The following ZNF738 variants were observed in gnomAD, a reference collection of about 807,000 sequenced individuals.
ZNF738 encodes the protein zinc finger protein 738, also known as protein ZNF738.
Under a neutral mutation model 9.2 loss-of-function variants are expected in ZNF738, and 10 were observed. The ratio of observed to expected loss-of-function variants is 1.09; its 90% CI spans 0.67 to 1.85. The LOEUF is 1.85. Ranked by LOEUF, ZNF738 falls within the 40% of genes most tolerant of loss-of-function variation. The probability of loss-of-function intolerance (pLI) is 0.00; values close to 1 mark genes in which losing one functional copy is unlikely to be tolerated. For synonymous variants in ZNF738, 113 were observed against 94.5 expected, an observed-to-expected ratio of 1.20 and a Z score of -1.14; for missense variants, 346 against 283.6, an observed-to-expected ratio of 1.22 and a Z score of -1.58.
rs1974035188 is a variant in ZNF738, at chr19:21,383,793, C to A, written c.*119C>A. On this transcript the variant is annotated 3_prime_UTR_variant, in exon 5 of 5. Transcript: ENST00000683779. ...GCTTTTAAACAGTCCTCAAACCTTA[C>A]TACTCATGAAAATTCATTCTGGAGA... is the stretch of plus-strand genomic sequence containing the variant. The A allele has an allele frequency of 3.3e-6, 4 of 1,202,950 alleles. No individual in the cohort carries two copies. The Admixed American group carries it at 5.2e-5, about 16-fold the overall frequency. 74.5% of individuals were successfully genotyped at this position (1,202,950 alleles called of 1,614,324 possible).
chr19:21,379,677 C>A (rs1973982010), intron 4 of ZNF738, among the ~76,000 whole-genome samples: 1 of 152,088 alleles, frequency 6.6e-6, no homozygotes, highest in African/African-American at 2.4e-5. Context: ...ATACATGAGC[C>A]AGTATTTTAC....
Position 21,384,762 on chromosome 19 carries a change from G to T in ZNF738, c.*1088G>T, listed in dbSNP as rs1974047289. Among the ~76,000 whole-genome samples the T allele has an allele frequency of 6.6e-6, 1 of 152,146 alleles. No homozygotes were observed. The highest frequency in any genetic ancestry group is 2.4e-5 in the African/African-American group (1 of 41,434). Reference sequence around the variant, plus strand: ...TGGAGAGAAACCCTACAAATGTGAAGAATGTGGCAAAGCTTATAACTGGTC... The same window carrying T: ...TGGAGAGAAACCCTACAAATGTGAATAATGTGGCAAAGCTTATAACTGGTC... On this transcript the variant is annotated 3_prime_UTR_variant, in exon 5 of 5. Coordinates refer to ENST00000683779, the MANE Select transcript of ZNF738 (RefSeq NM_001355237.2).
chr19:21,380,667 T>C (rs1229931950), intron 4 of ZNF738, among the ~76,000 whole-genome samples: 2 of 152,208 alleles, frequency 1.3e-5, no homozygotes, highest in African/African-American at 4.8e-5. Flanking sequence ...TAATCTGTAC[T>C]ATAGTTGAAG....
rs1255374095 is a variant in ZNF738 at position 21,384,090 on chromosome 19, G to A, written c.*416G>A. The A allele has an allele frequency of 1.9e-6, 3 of 1,557,742 alleles. No homozygotes were observed. In the East Asian group the frequency reaches 6.8e-5, roughly 35 times the overall value. ...TGGAGAGAAACCCTACAAATGTGAAGAATGTGGCAAAGCTTTCTACCGATT... is the reference window on the plus strand; with the variant it reads ...TGGAGAGAAACCCTACAAATGTGAAAAATGTGGCAAAGCTTTCTACCGATT... On this transcript the variant is annotated 3_prime_UTR_variant, in exon 5 of 5. Coordinates refer to ENST00000683779, the MANE Select transcript of ZNF738 (RefSeq NM_001355237.2).
intron 4 of ZNF738, among the ~76,000 whole-genome samples, chr19:21,382,141 C>T (rs1440848065): frequency 1.5e-5 from 2 of 134,868 alleles, no homozygotes; most frequent in Non-Finnish European, 3.0e-5. Context: ...TTTTGACTCA[C>T]TGCTACCTCT....
Position 21,375,938 on chromosome 19 carries a change from G to GACAC in ZNF738, c.295_298dup (p.Ser100ThrfsTer42), listed in dbSNP as rs763323236. 3 of 789,584 alleles carry GACAC rather than the reference G, an allele frequency of 3.8e-6. No homozygotes were observed. Among genetic ancestry groups the GACAC allele is most frequent in the Admixed American group, 3.5e-5 (2 of 57,906 alleles). The allele number at this position is 789,584 out of a possible 1,614,324, so 48.9% of individuals were successfully genotyped here. ...GGAAAAGATCCCTGGAATATGAAGA[G>GACAC]ACACAGTATGGTAGCCACACCCCCA... On this transcript the variant is annotated frameshift_variant, in exon 4 of 5. Coordinates refer to ENST00000683779, the MANE Select transcript of ZNF738 (RefSeq NM_001355237.2). LOFTEE classifies it low-confidence loss of function (END_TRUNC).
rs975421901 is a variant in ZNF738, at chr19:21,381,380, ACTT to A, written c.320-1481_320-1479del. 1.6e-5 allele frequency: 24 copies of A among 1,517,066 alleles called. No individual in the cohort carries two copies. The African/African-American group carries it at 2.6e-4, about 16-fold the overall frequency. The allele number at this position is 1,517,066 out of a possible 1,614,324, so 94.0% of individuals were successfully genotyped here. ...GAATACTCTGACTCCATCTTGAATA[ACTT>A]CTTCATCAGAATCTCCTTTTGTCTT... On this transcript the variant is annotated intron_variant, in intron 4 of 4. Transcript: ENST00000683779.
chr19:21,369,879 T>G (rs1973835106), intron 2 of ZNF738, among the ~76,000 whole-genome samples: 1 of 151,914 alleles, frequency 6.6e-6, no homozygotes, highest in Non-Finnish European at 1.5e-5. Flanking sequence ...TATGGCATGA[T>G]CTCAGCTTAC....
At position 21,383,225 on chromosome 19, in the gene ZNF738, A is replaced by G; in HGVS notation, c.679A>G (p.Ile227Val). 1 of 1,595,186 alleles carries G rather than the reference A, an allele frequency of 6.3e-7. No individual in the cohort carries two copies. The highest frequency in any genetic ancestry group is 2.2e-5 in the East Asian group (1 of 44,522). The change falls in exon 5 of 5, where the codon ATT (isoleucine) becomes GTT (valine). Residue 227 changes from isoleucine to valine, a missense_variant. Physicochemically the swap from Ile to Val is conservative, Grantham distance 29. Transcript: ENST00000683779. The stretch of plus-strand genomic sequence containing the variant: ...CCTAGGTCAACATAAAATAATTCAT[A>G]TTAGAGAGAATTCTTACCAATGTGA... Reference protein sequence around the residue: ...LHLGQHKIIHIRENSYQCEEC... With the variant: ...LHLGQHKIIHVRENSYQCEEC...
intron 4 of ZNF738, among the ~76,000 whole-genome samples, chr19:21,380,787 CA>C (rs1973993409): frequency 6.6e-6 from 1 of 152,070 alleles, no homozygotes; most frequent in Non-Finnish European, 1.5e-5. Flanking sequence ...GAAAACAATG[CA>C]CCACCATGTT....
At chr19:21,381,976 G>A in intron 4 of ZNF738, 1 of 204,510 alleles carries the variant, frequency 4.9e-6, no homozygotes, top group Non-Finnish European at 1.1e-5. Flanking sequence ...GCCTCAGCCT[G>A]TCTCCATGGA....
Position 21,383,723 on chromosome 19 carries a change from A to G in ZNF738, c.*49A>G. ...CGCAACCCTTACTAGACATAAGATA[A>G]TTCATACTGAAGAGAAACCCTACAA... On this transcript the variant is annotated 3_prime_UTR_variant, in exon 5 of 5. Coordinates refer to ENST00000683779, the MANE Select transcript of ZNF738 (RefSeq NM_001355237.2). 9.4e-7 allele frequency: 1 copy of G among 1,061,708 alleles called. No individual in the cohort carries two copies. The highest frequency in any genetic ancestry group is 1.2e-5 in the South Asian group (1 of 80,374). 65.8% of individuals were successfully genotyped at this position (1,061,708 alleles called of 1,614,324 possible).
chr19:21,362,471 A>G (rs994465041), intron 2 of ZNF738, among the ~76,000 whole-genome samples: 2 of 152,210 alleles, frequency 1.3e-5, no homozygotes, highest in Non-Finnish European at 2.9e-5. Context: ...TCTTGAGCAC[A>G]TAAGTGAGCA....
intron 3 of ZNF738, 27 bp downstream of exon 3, chr19:21,375,391 C>T: frequency 1.5e-6 from 1 of 688,378 alleles, no homozygotes; most frequent in Non-Finnish European, 2.6e-6. Context: ...TACACAATTC[C>T]TTATATACAC....
chr19:21,383,029 T>C lies in ZNF738; in HGVS notation c.483T>C (p.Tyr161=). 2.4e-6 allele frequency: 2 copies of C among 835,722 alleles called. No individual in the cohort carries two copies. Among genetic ancestry groups the C allele is most frequent in the South Asian group, 1.4e-5 (1 of 73,744 alleles). The allele number at this position is 835,722 out of a possible 1,614,324, so 51.8% of individuals were successfully genotyped here. Residue 161 remains tyrosine, a synonymous_variant, in exon 5 of 5, where the codon TAT becomes TAC. Coordinates refer to ENST00000683779, the MANE Select transcript of ZNF738 (RefSeq NM_001355237.2). ...AGTGTAATGTGCAAAAAGAAGGTTATAATGAACTAAAAGAGTATTTGACAA... is the reference window on the plus strand; with the variant it reads ...AGTGTAATGTGCAAAAAGAAGGTTACAATGAACTAAAAGAGTATTTGACAA... ...VNECNVQKEG[Y]NELKEYLTTT...
In ZNF738 at chr19:21,386,236, A is replaced by G. The variant is rs904764984; in HGVS notation, c.*2562A>G. ...CCCTCAACTTTCTGCACATAAGATA[A>G]TTTATACTGTGGAGAAGCCTTACAA... On this transcript the variant is annotated 3_prime_UTR_variant, in exon 5 of 5. Coordinates refer to ENST00000683779, the MANE Select transcript of ZNF738 (RefSeq NM_001355237.2). The G allele has an allele frequency of 5.5e-5, 16 of 292,014 alleles. No individual in the cohort carries two copies. Among genetic ancestry groups the G allele is most frequent in the African/African-American group, 3.6e-4 (16 of 45,070 alleles). The allele number at this position is 292,014 out of a possible 1,614,324, so 18.1% of individuals were successfully genotyped here.
At chr19:21,378,063 A>G (rs1303696910) in intron 4 of ZNF738, 2 of 397,178 alleles carry the variant, frequency 5.0e-6, no homozygotes, top group African/African-American at 4.1e-5. Context: ...TAAGAGATAC[A>G]ATGTATTTCA....
rs1471422008 is a variant in ZNF738, at chr19:21,360,411, T to C, written c.3+1268T>C. 2.6e-5 allele frequency: 4 copies of C among 152,302 alleles called. No homozygotes were observed. In the East Asian group the frequency reaches 7.7e-4, roughly 29 times the overall value. 9.4% of individuals were successfully genotyped at this position (152,302 alleles called of 1,614,324 possible). ...CTTCTGGGGTTCCCAAATGCCAGCT[T>C]TTCCTCCCTAATTCACATTATCACG... On this transcript the variant is annotated intron_variant, in intron 1 of 4. Transcript: ENST00000683779.
chr19:21,365,196 A>C (rs911759577), intron 2 of ZNF738, among the ~76,000 whole-genome samples: 1 of 152,150 alleles, frequency 6.6e-6, no homozygotes, highest in Admixed American at 6.5e-5. Context: ...GAGGATGAGC[A>C]GAGGTCACAC....
Sources: gnomAD v4.1 joint callset for allele counts (sites outside exome capture counted in the v4.1 genomes callset) on GRCh38, gnomAD v4.1.1 for gene constraint, MANE v1.5 for transcripts, NCBI Gene and HGNC (gene_info 2026-07-23, HGNC 2026-07-21) for gene names.